PCDH15: variants seen among roughly 807,000 people sequenced by gnomAD.
The protein encoded by PCDH15 is protocadherin-15.
In PCDH15, 129 loss-of-function variants were observed where a neutral mutation model predicts 178.5. The ratio of observed to expected loss-of-function variants is 0.72; its 90% CI spans 0.63 to 0.84. The LOEUF is 0.84. Among genes scored for constraint, PCDH15 ranks in the 40% least tolerant of loss-of-function variants. The pLI, the probability that PCDH15 is intolerant of heterozygous loss-of-function variation, is 0.00. For missense variants in PCDH15, 2,230 were observed against 2,099.9 expected (o/e 1.06, Z -1.21); for synonymous variants, 800 against 732.0 (o/e 1.09, Z -1.50).
At chr10:55,312,730 G>A (rs958885931) in intron 1 of PCDH15, among the ~76,000 whole-genome samples, 2 of 151,886 alleles carry the variant, frequency 1.3e-5, no homozygotes, top group Non-Finnish European at 2.9e-5. Flanking sequence ...CGATTCTCCT[G>A]CCTCAGCCTC....
At chr10:54,250,267 C>CTTTT (rs765895227) in intron 8 of PCDH15, among the ~76,000 whole-genome samples, 29 of 84,026 alleles carry the variant, frequency 3.5e-4, no homozygotes, top group East Asian at 7.0e-4. Context: ...TATGCTATTA[C>CTTTT]TTTTTTTTTT....
intron 3 of PCDH15, among the ~76,000 whole-genome samples, chr10:54,514,288 T>C (rs915427335): frequency 1.3e-5 from 2 of 152,104 alleles, no homozygotes; most frequent in Non-Finnish European, 1.5e-5. Flanking sequence ...AAAACATATA[T>C]ATAATTATAA....
intron 1 of PCDH15, among the ~76,000 whole-genome samples, chr10:54,724,822 A>G (rs1942223242): frequency 2.0e-5 from 3 of 151,198 alleles, no homozygotes; most frequent in Admixed American, 6.7e-5. Context: ...GGTGGCACAT[A>G]TACATATTTG....
intron 2 of PCDH15, among the ~76,000 whole-genome samples, chr10:55,005,694 G>A (rs372415751): frequency 5.3e-5 from 8 of 151,766 alleles, no homozygotes; most frequent in Middle Eastern, 3.4e-3. Flanking sequence ...TGTCATTAGC[G>A]CTAATTTTAT....
chr10:54,665,101 T>A (rs2094549470), intron 1 of PCDH15, among the ~76,000 whole-genome samples: 1 of 151,826 alleles, frequency 6.6e-6, no homozygotes. Flanking sequence ...GTTTCTCTAA[T>A]TCAGAGGTTC....
intron 23 of PCDH15, among the ~76,000 whole-genome samples, chr10:53,942,290 T>C (rs1042820514): frequency 1.9e-4 from 16 of 82,220 alleles, no homozygotes; most frequent in African/African-American, 5.9e-4. Context: ...TGTCCTGCAT[T>C]TTCTTTTTGC....
intron 2 of PCDH15, among the ~76,000 whole-genome samples, chr10:54,934,816 C>G (rs1255122761): frequency 1.3e-5 from 2 of 151,862 alleles, no homozygotes; most frequent in East Asian, 3.9e-4. Flanking sequence ...ATAGCAAAGA[C>G]TTGGAACCAA....
intron 11 of PCDH15, among the ~76,000 whole-genome samples, chr10:54,186,874 A>T (rs1233682041): frequency 6.6e-6 from 1 of 152,014 alleles, no homozygotes; most frequent in Non-Finnish European, 1.5e-5. Flanking sequence ...GAAAATGCAT[A>T]TGTCTATTCT....
chr10:54,225,467 T>C (rs2053329882), intron 9 of PCDH15, among the ~76,000 whole-genome samples: 1 of 152,210 alleles, frequency 6.6e-6, no homozygotes, highest in Non-Finnish European at 1.5e-5. Context: ...GTCTCTCTGA[T>C]GTGTTCCTTT....
At chr10:54,212,627 A>C (rs2051564600) in intron 10 of PCDH15, among the ~76,000 whole-genome samples, 1 of 152,018 alleles carries the variant, frequency 6.6e-6, no homozygotes, top group Non-Finnish European at 1.5e-5. Context: ...CGCTTTTTAC[A>C]CGTCTTCCTC....
chr10:54,452,077 C>T (rs930917645), intron 3 of PCDH15, among the ~76,000 whole-genome samples: 1 of 151,878 alleles, frequency 6.6e-6, no homozygotes, highest in African/African-American at 2.4e-5. Context: ...TCAAAACCCA[C>T]AGTTCAGTTT....
intron 3 of PCDH15, among the ~76,000 whole-genome samples, chr10:54,449,093 A>ACCATTTAAAT (rs1392990678): frequency 2.0e-5 from 3 of 151,606 alleles, no homozygotes; most frequent in Non-Finnish European, 4.4e-5. Flanking sequence ...GGAAGTTCAA[A>ACCATTTAAAT]CCATTTAAAT....
intron 1 of PCDH15, among the ~76,000 whole-genome samples, chr10:55,232,527 C>T (rs1841256517): frequency 1.3e-5 from 2 of 152,112 alleles, no homozygotes; most frequent in African/African-American, 2.4e-5. Context: ...CATCTTTGTA[C>T]ATTTCCTCCT....
intron 2 of PCDH15, among the ~76,000 whole-genome samples, chr10:54,973,324 C>A (rs117204750): frequency 6.6e-6 from 1 of 152,140 alleles, no homozygotes; most frequent in Admixed American, 6.5e-5. Context: ...AATCAGTTTT[C>A]ATTCCTTGAA....
intron 3 of PCDH15, among the ~76,000 whole-genome samples, chr10:54,869,296 A>C (rs1013034150): frequency 6.6e-6 from 1 of 152,208 alleles, no homozygotes; most frequent in Non-Finnish European, 1.5e-5. Flanking sequence ...GAAACTAAGA[A>C]GGACCTTATC....
chr10:53,997,381 T>A (rs561579372), intron 20 of PCDH15, among the ~76,000 whole-genome samples: 1 of 152,248 alleles, frequency 6.6e-6, no homozygotes, highest in African/African-American at 2.4e-5. Flanking sequence ...GAGTGCCAAT[T>A]AACTTAATAA....
intron 2 of PCDH15, among the ~76,000 whole-genome samples, chr10:55,060,062 TG>T (rs1841392724): frequency 6.6e-6 from 1 of 152,064 alleles, no homozygotes; most frequent in Non-Finnish European, 1.5e-5. Context: ...TACTGCAGAT[TG>T]TATCACCATA....
intron 3 of PCDH15, among the ~76,000 whole-genome samples, chr10:54,485,255 T>G (rs1350863547): frequency 6.6e-6 from 1 of 151,838 alleles, no homozygotes. Context: ...ACCAGAAACT[T>G]TCATTTTACC....
intron 1 of PCDH15, among the ~76,000 whole-genome samples, chr10:54,780,415 T>TG (rs201635015): frequency 0.012 from 1,758 of 152,236 alleles, 20 homozygotes; most frequent in Non-Finnish European, 0.016. Context: ...CTGCAAGGCT[T>TG]GGGAACTGGG....
Sources: gnomAD v4.1 joint callset for allele counts (sites outside exome capture counted in the v4.1 genomes callset) on GRCh38, gnomAD v4.1.1 for gene constraint, MANE v1.5 for transcripts, NCBI Gene and HGNC (gene_info 2026-07-23, HGNC 2026-07-21) for gene names.